The following ROBO2 variants were observed in gnomAD, a reference collection of about 807,000 sequenced individuals.
ROBO2 encodes roundabout guidance receptor 2.
In ROBO2, 53 loss-of-function variants were observed where a neutral mutation model predicts 160.8. That is an observed-to-expected ratio of 0.33 (90% CI 0.26 to 0.41). The LOEUF (loss-of-function observed/expected upper bound fraction) is 0.41. Among genes scored for constraint, ROBO2 ranks in the 10% least tolerant of loss-of-function variants. The pLI, the probability that ROBO2 is intolerant of heterozygous loss-of-function variation, is 1.00. For synonymous variants in ROBO2, 664 were observed against 611.7 expected, an observed-to-expected ratio of 1.09 and a Z score of -1.26; for missense variants, 1,577 against 1,722.4, an observed-to-expected ratio of 0.92 and a Z score of 1.49.
intron 2 of ROBO2, among the ~76,000 whole-genome samples, chr3:76,841,604 CT>C (rs1366944171): frequency 1.3e-5 from 2 of 151,698 alleles, no homozygotes; most frequent in Non-Finnish European, 2.9e-5. Context: ...AGTTTTAAAA[CT>C]GCTAATAAAA....
At chr3:76,975,666 C>T (rs561949252) in intron 2 of ROBO2, among the ~76,000 whole-genome samples, 17 of 152,156 alleles carry the variant, frequency 1.1e-4, no homozygotes, top group Non-Finnish European at 2.5e-4. Context: ...TAATTCTTCC[C>T]CTGAGAAACA....
At chr3:76,559,666 C>T (rs778542765) in intron 2 of ROBO2, among the ~76,000 whole-genome samples, 2 of 151,986 alleles carry the variant, frequency 1.3e-5, no homozygotes, top group Non-Finnish European at 2.9e-5. Context: ...TCCTCCTATT[C>T]GAGGCCCAGT....
intron 2 of ROBO2, among the ~76,000 whole-genome samples, chr3:77,217,694 A>G (rs1019069329): frequency 1.3e-5 from 2 of 152,250 alleles, no homozygotes; most frequent in Non-Finnish European, 2.9e-5. Flanking sequence ...ACTTATTAGC[A>G]TGACACCTAA....
intron 2 of ROBO2, among the ~76,000 whole-genome samples, chr3:76,292,577 A>G (rs1174526635): frequency 6.6e-6 from 1 of 152,212 alleles, no homozygotes; most frequent in African/African-American, 2.4e-5. Flanking sequence ...GGCCTTGGAC[A>G]ATGGGGAAAA....
intron 2 of ROBO2, among the ~76,000 whole-genome samples, chr3:76,404,560 G>GT (rs1157659728): frequency 1.5e-4 from 22 of 151,586 alleles, no homozygotes; most frequent in African/African-American, 5.3e-4. Context: ...CGATCAGGTA[G>GT]TTTAATAAGG....
intron 2 of ROBO2, among the ~76,000 whole-genome samples, chr3:76,763,283 T>C (rs1044009056): frequency 1.3e-5 from 2 of 151,720 alleles, no homozygotes; most frequent in Non-Finnish European, 3.0e-5. Context: ...TTCTCTGGAA[T>C]GTTGTGAGGC....
intron 2 of ROBO2, among the ~76,000 whole-genome samples, chr3:76,382,808 ATGTTACATGAC>A (rs1243473782): frequency 6.6e-6 from 1 of 152,196 alleles, no homozygotes; most frequent in African/African-American, 2.4e-5. Flanking sequence ...CTAACTGTAG[ATGTTACATGAC>A]TGAAAAAGGC....
At chr3:76,258,532 T>C (rs972403842) in intron 2 of ROBO2, among the ~76,000 whole-genome samples, 5 of 152,028 alleles carry the variant, frequency 3.3e-5, no homozygotes, top group Admixed American at 6.6e-5. Context: ...TTGTTAAGAA[T>C]CACAAATGTG....
chr3:76,728,655 T>C (rs2093588732), intron 2 of ROBO2, among the ~76,000 whole-genome samples: 2 of 152,190 alleles, frequency 1.3e-5, no homozygotes, highest in South Asian at 2.1e-4. Context: ...GGAAAAACAG[T>C]TAACTGGTTT....
At chr3:77,071,016 A>G (rs1335509211) in intron 1 of ROBO2, among the ~76,000 whole-genome samples, 1 of 152,086 alleles carries the variant, frequency 6.6e-6, no homozygotes, top group Non-Finnish European at 1.5e-5. Flanking sequence ...TTCTTTATCC[A>G]TTTTTGTTTA....
intron 2 of ROBO2, among the ~76,000 whole-genome samples, chr3:77,139,383 A>G (rs2076529500): frequency 1.3e-5 from 2 of 152,168 alleles, no homozygotes; most frequent in African/African-American, 2.4e-5. Context: ...AAATTATTAA[A>G]TTTTAAATTC....
chr3:77,632,291 G>T (rs532434315), intron 23 of ROBO2: 2 of 503,520 alleles, frequency 4.0e-6, no homozygotes, highest in East Asian at 5.9e-5. Flanking sequence ...GGTTTCAAAT[G>T]AGCTTCATTC....
intron 2 of ROBO2, among the ~76,000 whole-genome samples, chr3:76,100,004 G>A (rs2069615914): frequency 6.6e-6 from 1 of 152,182 alleles, no homozygotes; most frequent in Admixed American, 6.5e-5. Flanking sequence ...GTTCCAGATA[G>A]CGTGGATCTG....
chr3:77,503,280 C>T (rs2087902124), intron 5 of ROBO2, among the ~76,000 whole-genome samples: 1 of 151,536 alleles, frequency 6.6e-6, no homozygotes, highest in Non-Finnish European at 1.5e-5. Context: ...AATCCCAGCA[C>T]TTTGGGAAGC....
At chr3:77,438,701 G>T (rs1581947162) in intron 2 of ROBO2, among the ~76,000 whole-genome samples, 2 of 151,912 alleles carry the variant, frequency 1.3e-5, no homozygotes, top group South Asian at 4.1e-4. Context: ...ATTTAAAAAT[G>T]TAAATAGCAT....
exon 25 of ROBO2, chr3:77,644,772 GCTT>G (rs1358896914): frequency 3.1e-6 from 5 of 1,613,940 alleles, no homozygotes; most frequent in Non-Finnish European, 4.2e-6. Context: ...ATCAGGAACA[GCTT>G]CTTCTAAGGG....
chr3:77,528,593 A>C (rs1244731545), intron 6 of ROBO2, among the ~76,000 whole-genome samples: 2 of 151,622 alleles, frequency 1.3e-5, no homozygotes, highest in Non-Finnish European at 3.0e-5. Context: ...CCTTATCCTC[A>C]GTGACCTCCT....
chr3:77,592,007 G>T (rs1222556568), intron 17 of ROBO2, among the ~76,000 whole-genome samples: 2 of 152,136 alleles, frequency 1.3e-5, no homozygotes, highest in Non-Finnish European at 2.9e-5. Flanking sequence ...TCTAATAGAA[G>T]TTAGTTACTT....
Position 76,200,985 on chromosome 3 carries a change from A to G in ROBO2, c.109+263383A>G, listed in dbSNP as rs886782690. Among the ~76,000 whole-genome samples the G allele has an allele frequency of 2.0e-5, 3 of 152,276 alleles. No homozygotes were observed. The East Asian group carries it at 5.8e-4, about 29-fold the overall frequency. On this transcript the variant is annotated intron_variant, in intron 2 of 26. Coordinates refer to the ROBO2 transcript ENST00000487694. ...GTTTGTGGAGCATGAAATCATGGTC[A>G]CCTTCCACTTTCCACTTTAAACATT... is the stretch of plus-strand genomic sequence containing the variant.
Sources: allele counts gnomAD v4.1 joint callset (sites outside exome capture counted in the v4.1 genomes callset), GRCh38; gene constraint gnomAD v4.1.1; transcripts MANE v1.5; gene names NCBI Gene and HGNC (gene_info 2026-07-23, HGNC 2026-07-21).